The following MLANA variants were observed in gnomAD, a reference collection of about 807,000 sequenced individuals.
MLANA encodes melan-A.
Under a neutral mutation model 15.7 loss-of-function variants are expected in MLANA, and 21 were observed. That is an observed-to-expected ratio of 1.33 (90% CI 0.95 to 1.92). The LOEUF is 1.92. Ranked by LOEUF, MLANA falls within the 40% of genes most tolerant of loss-of-function variation. The pLI is 0.00. For synonymous variants in MLANA, 56 were observed against 51.5 expected (o/e 1.09, Z -0.37); for missense variants, 164 against 143.8 (o/e 1.14, Z -0.72).
At chr9:5,896,057 A>C (rs1437159120) in intron 2 of MLANA, among the ~76,000 whole-genome samples, 1 of 152,184 alleles carries the variant, frequency 6.6e-6, no homozygotes, top group East Asian at 1.9e-4. Context: ...ACTCTGCAGG[A>C]AAAGCACTGG....
At chr9:5,902,015 GC>G (rs1309200306) in intron 3 of MLANA, among the ~76,000 whole-genome samples, 1 of 82,978 alleles carries the variant, frequency 1.2e-5, no homozygotes, top group Non-Finnish European at 3.5e-5. Context: ...GGTAATGCTG[GC>G]CTCATAGCAA....
intron 4 of MLANA, 111 bp downstream of exon 4, chr9:5,907,109 A>G (rs988665681): frequency 7.6e-6 from 5 of 658,650 alleles, no homozygotes; most frequent in Non-Finnish European, 9.7e-6. Context: ...ACTCATTGCC[A>G]CTGAACTATA....
At chr9:5,893,647 G>A (rs764405522) in intron 2 of MLANA, among the ~76,000 whole-genome samples, 5 of 152,158 alleles carry the variant, frequency 3.3e-5, no homozygotes, top group African/African-American at 9.7e-5. Flanking sequence ...TTAGGGTATC[G>A]TTTCAGCTTG....
In MLANA at chr9:5,894,001, G is replaced by C. The variant is rs182830603; in HGVS notation, c.77+1450G>C. The stretch of plus-strand genomic sequence containing the variant: ...AGAGAAATTAGGAAATGTGTGGCCA[G>C]ACATGGTGGCGCTGGGATTTAAATC... On this transcript the variant is annotated intron_variant, in intron 2 of 4. Coordinates refer to ENST00000381477, the MANE Select transcript of MLANA (RefSeq NM_005511.2). The surrounding 1 kb of genome is among the most constrained non-coding windows in gnomAD (Gnocchi z 4.0). 4.0e-5 allele frequency among the ~76,000 whole-genome samples: 6 copies of C among 151,518 alleles called. No individual in the cohort carries two copies. Among genetic ancestry groups the C allele is most frequent in the Admixed American group, 3.3e-4 (5 of 15,160 alleles).
intron 3 of MLANA, among the ~76,000 whole-genome samples, chr9:5,906,072 T>C (rs528114254): frequency 6.6e-6 from 1 of 151,778 alleles, no homozygotes; most frequent in Non-Finnish European, 1.5e-5. Context: ...GACAAATATG[T>C]TGGGTGCAGT....
At chr9:5,897,868 A>C (rs947620598) in intron 3 of MLANA, among the ~76,000 whole-genome samples, 1 of 152,196 alleles carries the variant, frequency 6.6e-6, no homozygotes, top group Admixed American at 6.5e-5. Flanking sequence ...CCTGTGTCTT[A>C]GTCTGTGATT....
At position 5,909,521 on chromosome 9, in the gene MLANA, G is replaced by A. The variant is rs1364209013; in HGVS notation, c.*813G>A. On this transcript the variant is annotated 3_prime_UTR_variant, in exon 5 of 5. Transcript: ENST00000381477. ...GATCTGCCCGCCTCAGCCTCCCAAA[G>A]TGCTGGAATTACAGGCGTGAGCCAC... is the stretch of plus-strand genomic sequence containing the variant. 6.6e-6 allele frequency: 1 copy of A among 152,316 alleles called. No individual in the cohort carries two copies. The allele number at this position is 152,316 out of a possible 1,614,324, so 9.4% of individuals were successfully genotyped here.
Position 5,908,726 on chromosome 9 carries a change from G to C in MLANA, c.*18G>C, listed in dbSNP as rs777670729. 9.4e-6 allele frequency: 15 copies of C among 1,603,240 alleles called. No homozygotes were observed. The highest frequency in any genetic ancestry group is 5.4e-5 in the African/African-American group (4 of 74,644). On this transcript the variant is annotated 3_prime_UTR_variant, in exon 5 of 5. Coordinates refer to ENST00000381477, the MANE Select transcript of MLANA (RefSeq NM_005511.2). ...CACCTTAAGAGCCAGCGAGACACCT[G>C]AGACATGCTGAAATTATTTCTCTCA...
intron 4 of MLANA, chr9:5,907,266 C>CT (rs1242293153): frequency 8.6e-6 from 2 of 231,590 alleles, no homozygotes; most frequent in African/African-American, 4.5e-5. Flanking sequence ...AATGAGAGCC[C>CT]TACATGTAAG....
At chr9:5,901,727 G>A (rs190626848) in intron 3 of MLANA, among the ~76,000 whole-genome samples, 10 of 151,760 alleles carry the variant, frequency 6.6e-5, no homozygotes, top group Admixed American at 2.0e-4. Flanking sequence ...TCACCATGTT[G>A]CCCAGGCTGG....
At chr9:5,895,734 G>A (rs960819182) in intron 2 of MLANA, among the ~76,000 whole-genome samples, 3 of 152,192 alleles carry the variant, frequency 2.0e-5, no homozygotes, top group African/African-American at 4.8e-5. Context: ...GCACCTTAAC[G>A]TGCATCTCAG....
At chr9:5,897,718 T>A in intron 3 of MLANA, 65 bp downstream of exon 3, 1 of 1,357,724 alleles carries the variant, frequency 7.4e-7, no homozygotes, top group Non-Finnish European at 1.1e-6. Flanking sequence ...TTCTTTCCTC[T>A]GAATCTCTGG....
chr9:5,904,493 G>C (rs1586955099), intron 3 of MLANA, among the ~76,000 whole-genome samples: 1 of 152,070 alleles, frequency 6.6e-6, no homozygotes, highest in Non-Finnish European at 1.5e-5. Flanking sequence ...TTTTGAGACA[G>C]AATCTCACTC....
At chr9:5,904,868 G>T (rs1328881160) in intron 3 of MLANA, among the ~76,000 whole-genome samples, 1 of 151,854 alleles carries the variant, frequency 6.6e-6, no homozygotes, top group African/African-American at 2.4e-5. Flanking sequence ...CTGCCTCCTG[G>T]GTTCATGCCA....
chr9:5,901,527 C>CT lies in MLANA; in HGVS notation c.174+3883dup, dbSNP rs374951432. Among the ~76,000 whole-genome samples, 30 of 151,002 alleles carry CT rather than the reference C, an allele frequency of 2.0e-4. No homozygotes were observed. The South Asian group carries it at 2.1e-3, about 11-fold the overall frequency. ...ATCAGAATAATTCATTTCTCTTTTT[C>CT]TTTTTTTTTGAGATGGGGTCTCATT... On this transcript the variant is annotated intron_variant, in intron 3 of 4. Coordinates refer to ENST00000381477, the MANE Select transcript of MLANA (RefSeq NM_005511.2).
intron 3 of MLANA, among the ~76,000 whole-genome samples, chr9:5,904,305 T>C (rs1172747712): frequency 6.6e-6 from 1 of 152,238 alleles, no homozygotes; most frequent in Non-Finnish European, 1.5e-5. Context: ...ATATTCAAAG[T>C]AGTTATTGAT....
intron 3 of MLANA, among the ~76,000 whole-genome samples, chr9:5,902,597 G>A (rs937267276): frequency 2.0e-5 from 3 of 151,640 alleles, no homozygotes; most frequent in African/African-American, 7.3e-5. Flanking sequence ...AGCCTCCTGA[G>A]TAGCTAGGAC....
intron 1 of MLANA, among the ~76,000 whole-genome samples, chr9:5,891,813 G>A (rs1831673071): frequency 6.6e-6 from 1 of 152,184 alleles, no homozygotes; most frequent in Non-Finnish European, 1.5e-5. Flanking sequence ...TCAGGTCCTG[G>A]GCTTCCTCGG....
intron 4 of MLANA, among the ~76,000 whole-genome samples, chr9:5,907,494 C>T (rs886611905): frequency 6.6e-5 from 10 of 152,020 alleles, no homozygotes; most frequent in African/African-American, 2.4e-4. Context: ...TAATACATAT[C>T]ATATTTCAAA....
Sources: gnomAD v4.1 joint callset for allele counts (sites outside exome capture counted in the v4.1 genomes callset) on GRCh38, gnomAD v4.1.1 for gene constraint, Gnocchi (gnomAD v3.1) non-coding constraint, MANE v1.5 for transcripts, NCBI Gene and HGNC (gene_info 2026-07-23, HGNC 2026-07-21) for gene names.